The following CMA1 variants were observed in gnomAD, a reference collection of about 807,000 sequenced individuals.
CMA1 encodes chymase.
CMA1 carries 24 observed loss-of-function variants against 18.8 expected under a neutral mutation model. That is an observed-to-expected ratio of 1.28 (90% CI 0.92 to 1.80). The LOEUF is 1.80. CMA1 is among the 40% of genes most tolerant of loss of function. The probability of loss-of-function intolerance (pLI) is 0.00; values close to 1 mark genes in which losing one functional copy is unlikely to be tolerated. For synonymous variants in CMA1, 152 were observed against 117.0 expected, an observed-to-expected ratio of 1.30 and a Z score of -1.93; for missense variants, 421 against 302.8, an observed-to-expected ratio of 1.39 and a Z score of -2.90.
At position 24,505,354 on chromosome 14, in the gene CMA1, G is replaced by T. The variant is rs2043842088; in HGVS notation, c.*162C>A. 1.2e-6 allele frequency: 1 copy of T among 828,602 alleles called. No individual in the cohort carries two copies. Among genetic ancestry groups the T allele is most frequent in the Non-Finnish European group, 1.9e-6 (1 of 515,026 alleles). 51.3% of individuals were successfully genotyped at this position (828,602 alleles called of 1,614,324 possible). A position where few individuals can be genotyped will look rare whatever the true frequency, so the allele number is the denominator to read the frequency against. The stretch of plus-strand genomic sequence containing the variant: ...GGACACACACTCACGACTAGAAGCT[G>T]TGTCTTCACTGAGGTTTATTGAGAG... On this transcript the variant is annotated 3_prime_UTR_variant, in exon 5 of 5. Transcript: ENST00000250378.
Position 24,505,579 on chromosome 14 carries a change from AG to A in CMA1, c.680del (p.Pro227LeufsTer26), listed in dbSNP as rs1286674441. On this transcript the variant is annotated frameshift_variant, in exon 5 of 5. Transcript: ENST00000250378. LOFTEE classifies it high-confidence loss of function. ...VSYGRSDAKPPAVFTRISHYR... is the reference protein window; with the variant it reads ...VSYGRSDAKPXAVFTRISHYR... ...AATGGGAGATTCGGGTGAAGACAGC[AG>A]GGGGCTTTGCATCCGACCGTCCATA... The A allele has an allele frequency of 6.2e-7, 1 of 1,614,034 alleles. No individual in the cohort carries two copies. Among genetic ancestry groups the A allele is most frequent in the Non-Finnish European group, 8.5e-7 (1 of 1,180,026 alleles).
chr14:24,506,839 C>T (rs2043861864), intron 2 of CMA1, among the ~76,000 whole-genome samples: 1 of 152,118 alleles, frequency 6.6e-6, no homozygotes, highest in African/African-American at 2.4e-5. Flanking sequence ...GGGGACTGAA[C>T]AGGCCAGGGA....
rs200189048 is a variant in CMA1, at chr14:24,507,410, C to A, written c.155G>T (p.Gly52Val). 1.9e-6 allele frequency: 3 copies of A among 1,614,060 alleles called. No homozygotes were observed. The highest frequency in any genetic ancestry group is 2.5e-6 in the Non-Finnish European group (3 of 1,180,038). ...AAAGTTCCGTCTTATAAGGAAACCA[C>A]CACAAAATTTTGAGGGACCGTTGGA... ...VTSNGPSKFC[G>V]GFLIRRNFVL... Residue 52 changes from glycine to valine, a missense_variant, in exon 2 of 5, where the codon GGT (glycine) becomes GTT (valine). By Grantham distance (109) the Gly-to-Val change is moderately radical. Transcript: ENST00000250378.
In CMA1 at chr14:24,507,469, G is replaced by T; in HGVS notation, c.96C>A (p.Ser32=). 3.1e-6 allele frequency: 5 copies of T among 1,614,172 alleles called. No individual in the cohort carries two copies. The highest frequency in any genetic ancestry group is 4.2e-6 in the Non-Finnish European group (5 of 1,180,006). Residue 32 remains serine (S), a synonymous_variant, in exon 2 of 5, where the codon TCC becomes TCA. Transcript: ENST00000250378. Reference sequence around the variant, plus strand: ...TTTCCAGGTAGGCCATGTAGGGGCGGGAATGTGGCTTGCATTCTGTGCCCC... The same window carrying T: ...TTTCCAGGTAGGCCATGTAGGGGCGTGAATGTGGCTTGCATTCTGTGCCCC... The part of the protein sequence containing the change: ...IIGGTECKPH[S]RPYMAYLEIV...
chr14:24,506,175 T>C lies in CMA1; in HGVS notation c.453A>G (p.Arg151=), dbSNP rs13306253. ...CTGAGCCCGGCTTCAACACACCTGT[T>C]CTTCCCCAGCCAGCCACCCGGCACA... The part of the protein sequence containing the change: ...GRMCRVAGWG[R]TGVLKPGSDT... The change falls in exon 4 of 5, where the codon AGA becomes AGG. Residue 151 remains arginine, a synonymous_variant. Transcript: ENST00000250378. 410 of 1,614,210 alleles carry C rather than the reference T, an allele frequency of 2.5e-4. 5 individuals are homozygous for C. The East Asian group carries it at 9.0e-3, about 35-fold the overall frequency.
At position 24,506,270 on chromosome 14, in the gene CMA1, C is replaced by T; in HGVS notation, c.358G>A (p.Ala120Thr). Reference protein sequence around the residue: ...DIMLLKLKEKASLTLAVGTLP... With the variant: ...DIMLLKLKEKTSLTLAVGTLP... ...GTCCCCACAGCCAGGGTCAGGCTGG[C>T]TTTCTCCTTCAACTGTGAAGGGAAT... The change falls in exon 4 of 5, where the codon GCC becomes ACC. Residue 120 changes from alanine (A) to threonine (T), a missense_variant. Coordinates refer to ENST00000250378, the MANE Select transcript of CMA1 (RefSeq NM_001836.5). 6.2e-7 allele frequency: 1 copy of T among 1,613,902 alleles called. No homozygotes were observed. The highest frequency in any genetic ancestry group is 8.5e-7 in the Non-Finnish European group (1 of 1,179,944).
chr14:24,506,377 G>A lies in CMA1; in HGVS notation c.345+92C>T, dbSNP rs371049148. 1.2e-4 allele frequency: 195 copies of A among 1,592,938 alleles called. No homozygotes were observed. The South Asian group carries it at 1.8e-3, about 15-fold the overall frequency. On this transcript the variant is annotated intron_variant, in intron 3 of 4. Transcript: ENST00000250378. ...ACAGGGTGAGTAGCTTCATGTTATA[G>A]CCAAGTCCTAAGAAAAATTCAGGGC... is the stretch of plus-strand genomic sequence containing the variant.
intron 1 of CMA1, among the ~76,000 whole-genome samples, chr14:24,507,872 C>T (rs1056308118): frequency 6.6e-6 from 1 of 152,208 alleles, no homozygotes; most frequent in Non-Finnish European, 1.5e-5. Context: ...ATGGGTAGCC[C>T]TGATGCTCAG....
In CMA1 at chr14:24,506,469, C is replaced by T. The variant is rs372602250; in HGVS notation, c.345G>A (p.Lys115=). Residue 115 remains lysine (K), a splice_region_variant and synonymous_variant, in exon 3 of 5, where the codon AAG becomes AAA. Coordinates refer to ENST00000250378, the MANE Select transcript of CMA1 (RefSeq NM_001836.5). ...STLHHDIMLL[K]LKEKASLTLA... The stretch of plus-strand genomic sequence containing the variant: ...AAAGGGAGAAGAGAGGTGTTGTCAC[C>T]TTTAGTAACATGATATCGTGGTGAA... 5 of 1,614,062 alleles carry T rather than the reference C, an allele frequency of 3.1e-6. No individual in the cohort carries two copies. The South Asian group carries it at 5.5e-5, about 18-fold the overall frequency.
intron 2 of CMA1, 63 bp from the exon 3 acceptor site, chr14:24,506,667 G>T: frequency 6.3e-7 from 1 of 1,579,228 alleles, no homozygotes. Flanking sequence ...CTTCTGAGGT[G>T]AGCTCATTCT....
At chr14:24,506,318 T>A (rs532219729) in intron 3 of CMA1, 36 bp from the exon 4 acceptor site, 1 of 1,607,004 alleles carries the variant, frequency 6.2e-7, no homozygotes, top group South Asian at 1.1e-5. Flanking sequence ...GTCCTCGAAA[T>A]GGGCTCTGGA....
At position 24,507,371 on chromosome 14, in the gene CMA1, G is replaced by GGCTGCCGT. The variant is rs780997300; in HGVS notation, c.193_194insACGGCAGC (p.Ala65AspfsTer11). The GGCTGCCGT allele has an allele frequency of 2.1e-5, 34 of 1,614,018 alleles. No individual in the cohort carries two copies. The highest frequency in any genetic ancestry group is 2.9e-5 in the Non-Finnish European group (34 of 1,180,026). ...GTTGTCTCACCTTCCTGCACAATGA[G>GGCTGCCGT]CAGCCGTCAGCACAAAGTTCCGTCT... On this transcript the variant is annotated frameshift_variant, in exon 2 of 5. Transcript: ENST00000250378. LOFTEE classifies it high-confidence loss of function.
chr14:24,505,960 T>A lies in CMA1; in HGVS notation c.600+68A>T, dbSNP rs2043850042. The A allele has an allele frequency of 5.7e-6, 9 of 1,573,444 alleles. No individual in the cohort carries two copies. The South Asian group carries it at 1.1e-4, about 19-fold the overall frequency. Reference sequence around the variant, plus strand: ...ACTGACTGACAACCTTCTGACCCCATCTCCTTCTAAGAGCATTCTGGTCCC... The same window carrying A: ...ACTGACTGACAACCTTCTGACCCCAACTCCTTCTAAGAGCATTCTGGTCCC... On this transcript the variant is annotated intron_variant, in intron 4 of 4. Coordinates refer to ENST00000250378, the MANE Select transcript of CMA1 (RefSeq NM_001836.5).
At position 24,505,474 on chromosome 14, in the gene CMA1, TC is replaced by T. The variant is rs766885748; in HGVS notation, c.*41del. ...AGTGGCACACACTTTGCTGCTCAGGTCCAGTTCCAGCTTCCCTTTCAGGCTG... is the reference window on the plus strand; with the variant it reads ...AGTGGCACACACTTTGCTGCTCAGGTCAGTTCCAGCTTCCCTTTCAGGCTG... On this transcript the variant is annotated 3_prime_UTR_variant, in exon 5 of 5. Transcript: ENST00000250378. 1 of 1,613,508 alleles carries T rather than the reference TC, an allele frequency of 6.2e-7. No individual in the cohort carries two copies. Among genetic ancestry groups the T allele is most frequent in the Non-Finnish European group, 8.5e-7 (1 of 1,179,846 alleles).
At chr14:24,507,793 T>C (rs1328698852) in intron 1 of CMA1, among the ~76,000 whole-genome samples, 1 of 152,234 alleles carries the variant, frequency 6.6e-6, no homozygotes, top group Non-Finnish European at 1.5e-5. Flanking sequence ...GGACCCACTG[T>C]CCAGGTTCCT....
intron 1 of CMA1, 108 bp from the exon 2 acceptor site, chr14:24,507,614 C>A: frequency 1.5e-6 from 2 of 1,314,904 alleles, no homozygotes; most frequent in South Asian, 2.8e-5. Context: ...TCATTCTCAC[C>A]CTGTGTTCCG....
At chr14:24,507,225 C>G in intron 2 of CMA1, 131 bp downstream of exon 2, 1 of 1,066,710 alleles carries the variant, frequency 9.4e-7, no homozygotes. Context: ...GTCTTTCAGC[C>G]CAAGTCTTCC....
In CMA1 at chr14:24,507,374, G is replaced by T. The variant is rs775687715; in HGVS notation, c.191C>A (p.Ala64Asp). 2.5e-6 allele frequency: 4 copies of T among 1,614,154 alleles called. No individual in the cohort carries two copies. The highest frequency in any genetic ancestry group is 3.4e-6 in the Non-Finnish European group (4 of 1,180,022). ...FLIRRNFVLTAAHCAGRSITV... is the reference protein window; with the variant it reads ...FLIRRNFVLTDAHCAGRSITV... ...GTCTCACCTTCCTGCACAATGAGCA[G>T]CCGTCAGCACAAAGTTCCGTCTTAT... Residue 64 changes from alanine to aspartate, a missense_variant, in exon 2 of 5, where the codon GCT becomes GAT. Ala to Asp is a moderately radical substitution (Grantham distance 126, BLOSUM62 -2). Transcript: ENST00000250378.
rs779084110 is a variant in CMA1 at position 24,508,164 on chromosome 14, A to T, written c.58+14T>A. 4 of 1,612,658 alleles carry T rather than the reference A, an allele frequency of 2.5e-6. No individual in the cohort carries two copies. Among genetic ancestry groups the T allele is most frequent in the Middle Eastern group, 1.7e-4 (1 of 6,056 alleles). Reference sequence around the variant, plus strand: ...GATACTGCAGATTTCAGAGGGAAGAACCCTGATACTCACCAGCTTCAGCTC... The same window carrying T: ...GATACTGCAGATTTCAGAGGGAAGATCCCTGATACTCACCAGCTTCAGCTC... On this transcript the variant is annotated intron_variant, in intron 1 of 4. Coordinates refer to ENST00000250378, the MANE Select transcript of CMA1 (RefSeq NM_001836.5).
Sources: allele counts gnomAD v4.1 joint callset (sites outside exome capture counted in the v4.1 genomes callset), GRCh38; gene constraint gnomAD v4.1.1; transcripts MANE v1.5; gene names NCBI Gene and HGNC (gene_info 2026-07-23, HGNC 2026-07-21).